Variants in XRRA1 observed in about 807,000 individuals in gnomAD.
XRRA1 encodes X-ray radiation resistance associated 1.
XRRA1 carries 69 observed loss-of-function variants against 80.2 expected under a neutral mutation model. The observed-to-expected ratio is 0.86, with a 90% confidence interval of 0.71 to 1.05. The LOEUF is 1.05. XRRA1 is among the 50% of genes least tolerant of loss of function. The pLI, the probability that XRRA1 is intolerant of heterozygous loss-of-function variation, is 0.00. For synonymous variants in XRRA1, 348 were observed against 389.9 expected, an observed-to-expected ratio of 0.89 and a Z score of 1.27; for missense variants, 967 against 976.4, an observed-to-expected ratio of 0.99 and a Z score of 0.13.
At chr11:74,854,421 T>C (rs1474259030) in intron 12 of XRRA1, among the ~76,000 whole-genome samples, 1 of 152,242 alleles carries the variant, frequency 6.6e-6, no homozygotes, top group Non-Finnish European at 1.5e-5. Flanking sequence ...ATAAGTGTTT[T>C]AGGCTTTGCA....
At chr11:74,898,490 A>C (rs945660254) in intron 10 of XRRA1, among the ~76,000 whole-genome samples, 1 of 149,382 alleles carries the variant, frequency 6.7e-6, no homozygotes, top group African/African-American at 2.4e-5. Context: ...AACAAGACCC[A>C]GTAATTTGCT....
intron 10 of XRRA1, among the ~76,000 whole-genome samples, chr11:74,900,009 CAAA>C (rs936783373): frequency 6.6e-6 from 1 of 151,626 alleles, no homozygotes; most frequent in Non-Finnish European, 1.5e-5. Flanking sequence ...ACTAAAAATA[CAAA>C]AAATTAGCCA....
At position 74,907,172 on chromosome 11, in the gene XRRA1, C is replaced by T; in HGVS notation, c.758G>A (p.Cys253Tyr). 1 of 1,613,800 alleles carries T rather than the reference C, an allele frequency of 6.2e-7. No individual in the cohort carries two copies. The highest frequency in any genetic ancestry group is 2.2e-5 in the East Asian group (1 of 44,890). Residue 253 changes from cysteine (C) to tyrosine (Y), a missense_variant, in exon 9 of 19, where the codon TGC becomes TAC. Coordinates refer to ENST00000684022, the MANE Select transcript of XRRA1 (RefSeq NM_001378157.1). ...CCTGAGCCCAGCCAGGCTGGCAAAG[C>T]AACTGGGGTTGGAGAGTCTGTTGTC... ...LDDNRLSNPS[C>Y]FASLAGLRRL...
intron 10 of XRRA1, among the ~76,000 whole-genome samples, chr11:74,892,562 A>G (rs1450803819): frequency 2.0e-5 from 3 of 151,968 alleles, no homozygotes; most frequent in African/African-American, 7.2e-5. Context: ...AATGGGATCT[A>G]ATTAAACTAA....
In XRRA1 at chr11:74,854,423, G is replaced by A. The variant is rs556376596; in HGVS notation, c.1171-2341C>T. ...CAAAGACCATATAATAAGTGTTTTAGGCTTTGCAGACCATATGGTTTCTGT... is the reference window on the plus strand; with the variant it reads ...CAAAGACCATATAATAAGTGTTTTAAGCTTTGCAGACCATATGGTTTCTGT... On this transcript the variant is annotated intron_variant, in intron 12 of 18. Coordinates refer to ENST00000684022, the MANE Select transcript of XRRA1 (RefSeq NM_001378157.1). Among the ~76,000 whole-genome samples the A allele has an allele frequency of 9.2e-5, 14 of 152,284 alleles. No homozygotes were observed. In the South Asian group the frequency reaches 2.9e-3, roughly 32 times the overall value.
At chr11:74,885,003 C>T (rs541919574) in intron 10 of XRRA1, among the ~76,000 whole-genome samples, 1 of 152,270 alleles carries the variant, frequency 6.6e-6, no homozygotes, top group East Asian at 1.9e-4. Flanking sequence ...GTGGCTAATG[C>T]CTGTAATCCC....
intron 12 of XRRA1, among the ~76,000 whole-genome samples, chr11:74,855,971 A>C (rs1338230143): frequency 6.6e-6 from 1 of 150,950 alleles, no homozygotes; most frequent in Non-Finnish European, 1.5e-5. Context: ...TGTCTCTGAT[A>C]AAAAACAAAA....
rs2037745912 is a variant in XRRA1 at position 74,845,228 on chromosome 11, T to C, written c.1772A>G (p.Glu591Gly). 6.2e-7 allele frequency: 1 copy of C among 1,613,996 alleles called. No individual in the cohort carries two copies. The highest frequency in any genetic ancestry group is 2.2e-5 in the East Asian group (1 of 44,872). ...TTTCTTTTGGTCTTTCTCCTTTAACTCTAAATCATCCTTATGGATGACGGA... is the reference window on the plus strand; with the variant it reads ...TTTCTTTTGGTCTTTCTCCTTTAACCCTAAATCATCCTTATGGATGACGGA... Reference protein sequence around the residue: ...PSSVIHKDDLELKEKDQKKPP... With the variant: ...PSSVIHKDDLGLKEKDQKKPP... The change falls in exon 16 of 19, where the codon GAG becomes GGG. Residue 591 changes from glutamate (E) to glycine (G), a missense_variant. By Grantham distance (98) the Glu-to-Gly change is moderately conservative. Coordinates refer to ENST00000684022, the MANE Select transcript of XRRA1 (RefSeq NM_001378157.1).
chr11:74,931,671 A>C (rs1177649823), intron 5 of XRRA1: 1 of 152,192 alleles, frequency 6.6e-6, no homozygotes, highest in Admixed American at 6.5e-5. Context: ...TTGTTTGAAT[A>C]TATTGCAAGT....
chr11:74,847,088 C>T (rs756642033), intron 15 of XRRA1, among the ~76,000 whole-genome samples: 11 of 151,888 alleles, frequency 7.2e-5, no homozygotes, highest in African/African-American at 1.5e-4. Context: ...CTTTCCTGTC[C>T]GTATTTTCTT....
At chr11:74,870,168 A>T (rs605954) in intron 10 of XRRA1, among the ~76,000 whole-genome samples, 1 of 152,134 alleles carries the variant, frequency 6.6e-6, no homozygotes, top group African/African-American at 2.4e-5. Flanking sequence ...AGACTTAGAC[A>T]ACAGGCTTGC....
chr11:74,843,200 C>T lies in XRRA1; in HGVS notation c.2403G>A (p.Ter801=). The T allele has an allele frequency of 6.4e-7, 1 of 1,555,258 alleles. No homozygotes were observed. The highest frequency in any genetic ancestry group is 1.7e-4 in the Middle Eastern group (1 of 6,002). The change falls in exon 19 of 19, where the codon TAG becomes TAA. Residue 801 remains the stop codon, a stop_retained_variant. Transcript: ENST00000684022. ...QEPTASDSQG[*] The stretch of plus-strand genomic sequence containing the variant: ...GTGCACACAGCCCCCATGCACAGCT[C>T]TAGCCTTGTGAGTCACTGGCTGTGG...
intron 1 of XRRA1, among the ~76,000 whole-genome samples, chr11:74,946,913 G>A (rs896268667): frequency 2.6e-5 from 4 of 152,028 alleles, no homozygotes; most frequent in African/African-American, 9.7e-5. Context: ...CACCATGCCT[G>A]GGTAATTTTT....
At position 74,843,027 on chromosome 11, in the gene XRRA1, A is replaced by C. The variant is rs552544930; in HGVS notation, c.*173T>G. On this transcript the variant is annotated 3_prime_UTR_variant, in exon 19 of 19. Coordinates refer to ENST00000684022, the MANE Select transcript of XRRA1 (RefSeq NM_001378157.1). ...CCAGGCACCAGGTCATGCCTGGGCC[A>C]AGGAGGGGAGATCCTGACAAGGGGA... The C allele has an allele frequency of 3.3e-5, 29 of 878,754 alleles. No individual in the cohort carries two copies. The highest frequency in any genetic ancestry group is 4.7e-5 in the Non-Finnish European group (28 of 593,286). The allele number at this position is 878,754 out of a possible 1,614,324, so 54.4% of individuals were successfully genotyped here. A position where few individuals can be genotyped will look rare whatever the true frequency, so the allele number is the denominator to read the frequency against.
chr11:74,906,208 T>G, intron 10 of XRRA1, 31 bp downstream of exon 10: 2 of 1,595,414 alleles, frequency 1.3e-6, no homozygotes, highest in South Asian at 2.2e-5. Context: ...ACCATGAGGG[T>G]AGAATTTCTG....
intron 7 of XRRA1, among the ~76,000 whole-genome samples, chr11:74,925,753 A>G (rs755654797): frequency 5.9e-5 from 9 of 152,214 alleles, no homozygotes; most frequent in Non-Finnish European, 1.3e-4. Context: ...TTGTGGGGTC[A>G]GAGCCTATAG....
chr11:74,900,293 C>T (rs1270468360), intron 10 of XRRA1, among the ~76,000 whole-genome samples: 1 of 152,084 alleles, frequency 6.6e-6, no homozygotes, highest in Non-Finnish European at 1.5e-5. Context: ...TTAAGAAGAT[C>T]ATTCATCGGC....
At chr11:74,844,976 GAA>G in intron 16 of XRRA1, 95 bp downstream of exon 16, 23 of 1,297,652 alleles carry the variant, frequency 1.8e-5, no homozygotes, top group Non-Finnish European at 2.1e-5. Flanking sequence ...CCCTAGTTGG[GAA>G]AAGACAGCTT....
chr11:74,948,200 C>T (rs1178554052), intron 1 of XRRA1, among the ~76,000 whole-genome samples: 1 of 152,194 alleles, frequency 6.6e-6, no homozygotes, highest in Non-Finnish European at 1.5e-5. Context: ...CGTAATAGAG[C>T]ATGGTATAAT....
Sources: gnomAD v4.1 joint callset for allele counts (sites outside exome capture counted in the v4.1 genomes callset) on GRCh38, gnomAD v4.1.1 for gene constraint, MANE v1.5 for transcripts, NCBI Gene and HGNC (gene_info 2026-07-23, HGNC 2026-07-21) for gene names.